Variants in GABRB3 observed in about 807,000 individuals in gnomAD.
GABRB3 encodes gamma-aminobutyric acid receptor subunit beta-3.
A neutral mutation model predicts 52.1 loss-of-function variants in GABRB3; 14 were observed. That is an observed-to-expected ratio of 0.27 (90% CI 0.18 to 0.42). GABRB3 has a LOEUF of 0.42. Among genes scored for constraint, GABRB3 ranks in the 10% least tolerant of loss-of-function variants. GABRB3 has a pLI of 1.00. For synonymous variants in GABRB3, 260 were observed against 232.3 expected (o/e 1.12, Z -1.08); for missense variants, 307 against 609.1 (o/e 0.50, Z 5.22).
At chr15:26,767,079 T>C (rs1286453198) in intron 3 of GABRB3, 4 of 152,216 alleles carry the variant, frequency 2.6e-5, no homozygotes, top group African/African-American at 9.7e-5. Context: ...TGCCCCAGCA[T>C]TGATGTATGA....
rs2140547370 is a variant in GABRB3, at chr15:26,625,610, CT to C, written c.241-4077del. 9 of 229,416 alleles carry C rather than the reference CT, an allele frequency of 3.9e-5. 1 individual carries two copies. Among genetic ancestry groups the C allele is most frequent in the Non-Finnish European group, 6.3e-5 (9 of 142,594 alleles). 14.2% of individuals were successfully genotyped at this position (229,416 alleles called of 1,614,324 possible). ...GAATAGCAGAGGGGACACTGGATTC[CT>C]CACAGAACATGAAATGGAAATTAAG... On this transcript the variant is annotated intron_variant, in intron 3 of 8. Coordinates refer to ENST00000311550, the MANE Select transcript of GABRB3 (RefSeq NM_000814.6).
chr15:26,642,387 C>T (rs1893226871), intron 3 of GABRB3: 1 of 927,954 alleles, frequency 1.1e-6, no homozygotes, highest in African/African-American at 1.7e-5. Flanking sequence ...GGAACCAATC[C>T]CCTGAATATA....
Position 26,772,452 on chromosome 15 carries a change from C to G in GABRB3, c.190G>C (p.Gly64Arg), listed in dbSNP as rs2140199113. The part of the protein sequence containing the change: ...PDFGGPPVCV[G>R]MNIDIASIDM... ...ATGCTGGCGATGTCGATGTTCATCCCCACGCAGACCGGGGGACCTGCGGGA... is the reference window on the plus strand; with the variant it reads ...ATGCTGGCGATGTCGATGTTCATCCGCACGCAGACCGGGGGACCTGCGGGA... Residue 64 changes from glycine to arginine, a missense_variant, in exon 3 of 9, where the codon GGG (glycine) becomes CGG (arginine). Physicochemically the swap from Gly to Arg is moderately radical, Grantham distance 125. Transcript: ENST00000311550. The G allele has an allele frequency of 6.2e-7, 1 of 1,610,836 alleles. No individual in the cohort carries two copies. The highest frequency in any genetic ancestry group is 8.5e-7 in the Non-Finnish European group (1 of 1,178,502).
chr15:26,623,309 A>G (rs982402732), intron 3 of GABRB3, among the ~76,000 whole-genome samples: 1 of 152,228 alleles, frequency 6.6e-6, no homozygotes, highest in Admixed American at 6.5e-5. Context: ...CCACCTTCGC[A>G]GCCAATGAAA....
chr15:26,711,632 G>A (rs1191473995), intron 3 of GABRB3, among the ~76,000 whole-genome samples: 1 of 152,136 alleles, frequency 6.6e-6, no homozygotes, highest in African/African-American at 2.4e-5. Context: ...CAAAGCCCAT[G>A]ATCACAGCAG....
chr15:26,694,893 CA>C (rs1425266714), intron 3 of GABRB3, among the ~76,000 whole-genome samples: 2 of 151,972 alleles, frequency 1.3e-5, no homozygotes, highest in Admixed American at 6.6e-5. Context: ...TGCTAGAAAC[CA>C]AAAACACTGT....
intron 6 of GABRB3, among the ~76,000 whole-genome samples, chr15:26,575,566 T>C (rs1375214296): frequency 3.9e-5 from 6 of 152,198 alleles, no homozygotes; most frequent in Non-Finnish European, 7.3e-5. Context: ...AATTGGATCC[T>C]AGGCTTTAGT....
At chr15:26,670,284 G>A (rs1887851037) in intron 3 of GABRB3, among the ~76,000 whole-genome samples, 1 of 152,178 alleles carries the variant, frequency 6.6e-6, no homozygotes, top group Non-Finnish European at 1.5e-5. Context: ...GGTAAGGGTA[G>A]GCGGGAAGAG....
intron 3 of GABRB3, among the ~76,000 whole-genome samples, chr15:26,670,105 G>A (rs2140628644): frequency 6.6e-6 from 1 of 152,344 alleles, no homozygotes; most frequent in South Asian, 2.1e-4. Context: ...TCACCTGGGA[G>A]GAGACGCAAG....
chr15:26,558,529 T>A (rs569189879), intron 8 of GABRB3, among the ~76,000 whole-genome samples: 5 of 152,176 alleles, frequency 3.3e-5, no homozygotes, highest in African/African-American at 1.2e-4. Flanking sequence ...CCAAATCTCA[T>A]GTTGAACTGT....
In GABRB3 at chr15:26,544,859, C is replaced by T. The variant is rs552882518; in HGVS notation, c.*2934G>A. On this transcript the variant is annotated 3_prime_UTR_variant, in exon 9 of 9. Transcript: ENST00000311550. ...TATCCCCAATGATAACGTTTCTGTC[C>T]TTACTCAAGAGGTCTGGGTGTGGGT... 40 of 152,684 alleles carry T rather than the reference C, an allele frequency of 2.6e-4. No homozygotes were observed. The highest frequency in any genetic ancestry group is 9.6e-4 in the African/African-American group (40 of 41,552). The allele number at this position is 152,684 out of a possible 1,614,324, so 9.5% of individuals were successfully genotyped here.
At chr15:26,716,105 C>G (rs1191727251) in intron 3 of GABRB3, among the ~76,000 whole-genome samples, 1 of 152,198 alleles carries the variant, frequency 6.6e-6, no homozygotes, top group East Asian at 1.9e-4. Context: ...AATATCCTGA[C>G]TCAAGGGAAA....
intron 3 of GABRB3, among the ~76,000 whole-genome samples, chr15:26,761,707 C>T (rs961293125): frequency 2.0e-5 from 3 of 152,126 alleles, no homozygotes; most frequent in African/African-American, 7.2e-5. Flanking sequence ...CTCCAGGTAT[C>T]CAAGGCTACC....
chr15:26,616,307 A>G (rs1041976658), intron 4 of GABRB3, among the ~76,000 whole-genome samples: 1 of 150,396 alleles, frequency 6.6e-6, no homozygotes, highest in Non-Finnish European at 1.5e-5. Context: ...ATATGCGTAT[A>G]TGAGTTTAAT....
At chr15:26,755,349 G>A (rs1566830902) in intron 3 of GABRB3, among the ~76,000 whole-genome samples, 1 of 152,070 alleles carries the variant, frequency 6.6e-6, no homozygotes, top group Non-Finnish European at 1.5e-5. Context: ...TGACTTCTGA[G>A]AAACATTTTC....
chr15:26,695,421 C>A (rs928475189), intron 3 of GABRB3, among the ~76,000 whole-genome samples: 1 of 113,440 alleles, frequency 8.8e-6, no homozygotes. Context: ...TTTCAGAAAC[C>A]ATGAAAACAT....
chr15:26,741,055 TG>T (rs1890195273), intron 3 of GABRB3, among the ~76,000 whole-genome samples: 1 of 67,392 alleles, frequency 1.5e-5, no homozygotes, highest in Non-Finnish European at 4.1e-5. Flanking sequence ...AGTGTGTGTG[TG>T]TGTGTGTGTG....
intron 3 of GABRB3, chr15:26,624,410 C>A: frequency 1.0e-6 from 1 of 985,500 alleles, no homozygotes; most frequent in South Asian, 4.7e-5. Flanking sequence ...CGATGTCTAG[C>A]GCCCTTCTCA....
intron 3 of GABRB3, among the ~76,000 whole-genome samples, chr15:26,741,082 G>A (rs1890196926): frequency 7.4e-6 from 1 of 136,024 alleles, no homozygotes; most frequent in South Asian, 2.5e-4. Flanking sequence ...GTGTGTGTGT[G>A]TACACCAGTA....
Sources: allele counts gnomAD v4.1 joint callset (sites outside exome capture counted in the v4.1 genomes callset), GRCh38; gene constraint gnomAD v4.1.1; transcripts MANE v1.5; gene names NCBI Gene and HGNC (gene_info 2026-07-23, HGNC 2026-07-21).